EDNRB: variants seen among roughly 807,000 people sequenced by gnomAD.
The protein encoded by EDNRB is Hirschsprung disease 2.
Under a neutral mutation model 46.4 loss-of-function variants are expected in EDNRB, and 18 were observed. That is an observed-to-expected ratio of 0.39 (90% CI 0.27 to 0.57). The LOEUF (loss-of-function observed/expected upper bound fraction) is 0.57. Ranked by LOEUF, EDNRB falls within the 20% of genes least tolerant of loss-of-function variation. EDNRB has a pLI of 0.61. For synonymous variants in EDNRB, 213 were observed against 204.9 expected (o/e 1.04, Z -0.34); for missense variants, 434 against 537.5 (o/e 0.81, Z 1.90).
chr13:77,896,227 G>T lies in EDNRB; in HGVS notation c.*1973C>A. 1 of 286,020 alleles carries T rather than the reference G, an allele frequency of 3.5e-6. No homozygotes were observed. The highest frequency in any genetic ancestry group is 5.8e-6 in the Non-Finnish European group (1 of 171,516). The allele number at this position is 286,020 out of a possible 1,614,324, so 17.7% of individuals were successfully genotyped here. A position where few individuals can be genotyped will look rare whatever the true frequency, so the allele number is the denominator to read the frequency against. Reference sequence around the variant, plus strand: ...ATGGAGAAGGAAAAGGTATCAGGATGTAAAAATTCAGTACATGGTAATAAA... The same window carrying T: ...ATGGAGAAGGAAAAGGTATCAGGATTTAAAAATTCAGTACATGGTAATAAA... On this transcript the variant is annotated 3_prime_UTR_variant, in exon 7 of 7. Transcript: ENST00000646607.
intron 1 of EDNRB, among the ~76,000 whole-genome samples, chr13:77,935,782 T>C (rs772031025): frequency 2.6e-5 from 4 of 152,038 alleles, no homozygotes; most frequent in African/African-American, 9.7e-5. Flanking sequence ...GGATGAAGGA[T>C]GCAAAGGAAT....
chr13:77,899,521 C>A, intron 6 of EDNRB: 2 of 206,446 alleles, frequency 9.7e-6, no homozygotes, highest in Non-Finnish European at 2.0e-5. Flanking sequence ...CTACCAAAAA[C>A]AGGGAACAGG....
upstream of EDNRB, among the ~76,000 whole-genome samples, chr13:77,921,126 C>T (rs900489359): frequency 3.9e-5 from 6 of 152,138 alleles, no homozygotes; most frequent in Admixed American, 2.6e-4. Flanking sequence ...CTATTGATTT[C>T]GTGTGACTTA....
chr13:77,952,181 C>T (rs977437985), intron 1 of EDNRB, among the ~76,000 whole-genome samples: 1 of 152,136 alleles, frequency 6.6e-6, no homozygotes, highest in Non-Finnish European at 1.5e-5. Flanking sequence ...AGAACAGCTA[C>T]TCCATAGACA....
At chr13:77,928,170 C>A (rs536164944) in intron 1 of EDNRB, among the ~76,000 whole-genome samples, 1 of 152,200 alleles carries the variant, frequency 6.6e-6, no homozygotes, top group Admixed American at 6.5e-5. Flanking sequence ...TGTATGCAAG[C>A]AAATTAGACA....
At position 77,916,955 on chromosome 13, in the gene EDNRB, C is replaced by T. The variant is rs12720172; in HGVS notation, c.483+1136G>A. On this transcript the variant is annotated intron_variant, in intron 1 of 6. Transcript: ENST00000646607. ...ACCATAAAGCCTCAGTAAGTGGGCA[C>T]TGGCAGCCTTATTGTGGAATTGAGG... is the stretch of plus-strand genomic sequence containing the variant. 1.8e-3 allele frequency among the ~76,000 whole-genome samples: 276 copies of T among 151,606 alleles called. 3 individuals are homozygous for T. The highest frequency in any genetic ancestry group is 6.4e-3 in the African/African-American group (266 of 41,334).
chr13:77,900,782 G>A, intron 4 of EDNRB, 128 bp from the exon 5 acceptor site: 1 of 1,356,780 alleles, frequency 7.4e-7, no homozygotes, highest in Non-Finnish European at 1.0e-6. Flanking sequence ...AGGACACTGA[G>A]CTTTATATGG....
At chr13:77,922,040 T>A (rs1880100873), upstream of EDNRB, among the ~76,000 whole-genome samples, 1 of 152,178 alleles carries the variant, frequency 6.6e-6, no homozygotes, top group South Asian at 2.1e-4. Flanking sequence ...TAAATTTCAC[T>A]TCTATATATG....
In EDNRB at chr13:77,895,500, G is replaced by A. The variant is rs1878572960; in HGVS notation, c.*2700C>T. 1 of 151,916 alleles carries A rather than the reference G, an allele frequency of 6.6e-6. No individual in the cohort carries two copies. The highest frequency in any genetic ancestry group is 2.1e-4 in the South Asian group (1 of 4,814). The allele number at this position is 151,916 out of a possible 1,614,324, so 9.4% of individuals were successfully genotyped here. The stretch of plus-strand genomic sequence containing the variant: ...GTCCAGCCCAGAGACCAGAAATGTG[G>A]CATTTTAATTGAATAACTTCATACT... On this transcript the variant is annotated 3_prime_UTR_variant, in exon 7 of 7. Coordinates refer to ENST00000646607, the MANE Select transcript of EDNRB (RefSeq NM_001122659.3).
In EDNRB at chr13:77,900,468, A is replaced by G; in HGVS notation, c.1085+53T>C. 5 of 1,609,462 alleles carry G rather than the reference A, an allele frequency of 3.1e-6. No homozygotes were observed. In the South Asian group the frequency reaches 5.5e-5, roughly 18 times the overall value. ...CTGCCTATAAAAAAGATCGATGGAA[A>G]CACTTCTGAGTGGCATTTATTTACA... On this transcript the variant is annotated intron_variant, in intron 5 of 6. Coordinates refer to ENST00000646607, the MANE Select transcript of EDNRB (RefSeq NM_001122659.3).
rs9530703 is a variant in EDNRB, at chr13:77,901,329, A to G, written c.802-122T>C. 0.083 allele frequency: 89,398 copies of G among 1,072,130 alleles called. 4,294 individuals carry two copies. Among genetic ancestry groups the G allele is most frequent in the South Asian group, 0.11 (7,934 of 71,672 alleles). The allele number at this position is 1,072,130 out of a possible 1,614,324, so 66.4% of individuals were successfully genotyped here. A position where few individuals can be genotyped will look rare whatever the true frequency, so the allele number is the denominator to read the frequency against. ...ATCTTCTAAATTAGATCCAGTTTGT[A>G]TATATCATACAGAATCTTTCAGGCC... On this transcript the variant is annotated intron_variant, in intron 3 of 6. Transcript: ENST00000646607.
chr13:77,928,436 C>T (rs1220507279), intron 1 of EDNRB, among the ~76,000 whole-genome samples: 1 of 152,064 alleles, frequency 6.6e-6, no homozygotes, highest in Non-Finnish European at 1.5e-5. Context: ...ATATTTTGTA[C>T]ATATTTTTTC....
Position 77,918,570 on chromosome 13 carries a change from G to A in EDNRB, c.4C>T (p.Gln2Ter). Residue 2 changes from glutamine to a stop codon, truncating the protein, a stop_gained, in exon 1 of 7, where the codon CAG (glutamine) becomes TAG (stop). Coordinates refer to ENST00000646607, the MANE Select transcript of EDNRB (RefSeq NM_001122659.3). LOFTEE classifies it high-confidence loss of function. This position sits in a 1 kb window ranked among gnomAD's most constrained non-coding sequence, Gnocchi z 4.5. M[Q>*]PPPSLCGRAL... is the part of the protein sequence containing the mutation. The stretch of plus-strand genomic sequence containing the variant: ...CGTCCGCACAGACTTGGAGGCGGCT[G>A]CATGCTGCTACCTGCTCCAGAAGGC... 1 of 1,594,914 alleles carries A rather than the reference G, an allele frequency of 6.3e-7. No homozygotes were observed. The highest frequency in any genetic ancestry group is 8.5e-7 in the Non-Finnish European group (1 of 1,174,432).
At chr13:77,905,628 T>C (rs1442296473) in intron 1 of EDNRB, among the ~76,000 whole-genome samples, 1 of 151,880 alleles carries the variant, frequency 6.6e-6, no homozygotes, top group African/African-American at 2.4e-5. Context: ...TGTGATCATA[T>C]TGAGTGAGGG....
At chr13:77,972,049 G>A (rs1881751460) in intron 1 of EDNRB, among the ~76,000 whole-genome samples, 1 of 152,206 alleles carries the variant, frequency 6.6e-6, no homozygotes, top group Non-Finnish European at 1.5e-5. Flanking sequence ...TTGCCTCCCT[G>A]TCGTGAGAGA....
At chr13:77,973,631 T>G (rs1344212686) in intron 1 of EDNRB, among the ~76,000 whole-genome samples, 1 of 152,156 alleles carries the variant, frequency 6.6e-6, no homozygotes, top group African/African-American at 2.4e-5. Flanking sequence ...TTTACATTCT[T>G]ATGCCTCCTT....
At chr13:77,973,662 A>T (rs912416846) in intron 1 of EDNRB, among the ~76,000 whole-genome samples, 1 of 152,098 alleles carries the variant, frequency 6.6e-6, no homozygotes, top group Non-Finnish European at 1.5e-5. Context: ...TATTAAAAGT[A>T]TATTTTACTT....
intron 1 of EDNRB, among the ~76,000 whole-genome samples, chr13:77,945,100 A>G (rs1382162000): frequency 1.1e-4 from 16 of 152,168 alleles, no homozygotes; most frequent in Admixed American, 1.0e-3. Context: ...GGATTATGAC[A>G]GGTGGCAGCG....
chr13:77,907,024 A>T (rs540571513), intron 1 of EDNRB, among the ~76,000 whole-genome samples: 5 of 152,020 alleles, frequency 3.3e-5, no homozygotes, highest in African/African-American at 1.2e-4. Flanking sequence ...ATTAAATCAA[A>T]TTTTTTTTAA....
Sources: gnomAD v4.1 joint callset for allele counts (sites outside exome capture counted in the v4.1 genomes callset) on GRCh38, gnomAD v4.1.1 for gene constraint, Gnocchi (gnomAD v3.1) non-coding constraint, MANE v1.5 for transcripts, NCBI Gene and HGNC (gene_info 2026-07-23, HGNC 2026-07-21) for gene names.